The following CACNA1C variants were observed in gnomAD, a reference collection of about 807,000 sequenced individuals.
CACNA1C encodes the protein calcium voltage-gated channel subunit alpha1 C.
CACNA1C carries 30 observed loss-of-function variants against 229.0 expected under a neutral mutation model. That is an observed-to-expected ratio of 0.13 (90% CI 0.10 to 0.18). The LOEUF (loss-of-function observed/expected upper bound fraction) is 0.18. Ranked by LOEUF, CACNA1C falls within the 10% of genes least tolerant of loss-of-function variation. CACNA1C has a pLI of 1.00. For synonymous variants in CACNA1C, 1,114 were observed against 1,132.5 expected, an observed-to-expected ratio of 0.98 and a Z score of 0.33; for missense variants, 1,658 against 2,845.0, an observed-to-expected ratio of 0.58 and a Z score of 9.49.
chr12:2,590,737 G>C (rs914797348), intron 18 of CACNA1C, among the ~76,000 whole-genome samples: 1 of 152,156 alleles, frequency 6.6e-6, no homozygotes, highest in African/African-American at 2.4e-5. Context: ...TAGGAAGTTC[G>C]AATGGCACAA....
chr12:2,651,855 ACTCTGGGGC>A lies in CACNA1C; in HGVS notation c.4074+89_4074+97del. 1 of 1,073,398 alleles carries A rather than the reference ACTCTGGGGC, an allele frequency of 9.3e-7. No individual in the cohort carries two copies. The highest frequency in any genetic ancestry group is 2.5e-5 in the Admixed American group (1 of 39,908). The allele number at this position is 1,073,398 out of a possible 1,614,324, so 66.5% of individuals were successfully genotyped here. A position where few individuals can be genotyped will look rare whatever the true frequency, so the allele number is the denominator to read the frequency against. ...CAGCTGACACAAGGAGGAGCCCTCC[ACTCTGGGGC>A]CCTGCTCCTTCCTCTGTGTGGCAGA... On this transcript the variant is annotated intron_variant, in intron 32 of 46. Transcript: ENST00000399655. This position sits in a 1 kb window ranked among gnomAD's most constrained non-coding sequence, Gnocchi z 5.4.
chr12:2,073,933 A>G (rs1033493639), intron 1 of CACNA1C, among the ~76,000 whole-genome samples: 6 of 152,176 alleles, frequency 3.9e-5, no homozygotes, highest in African/African-American at 7.2e-5. Flanking sequence ...ACCCTGAACC[A>G]TTGCCTAAGC....
chr12:2,504,401 GCTT>G lies in CACNA1C; in HGVS notation c.1114-434_1114-432del. The G allele has an allele frequency of 7.9e-7, 1 of 1,268,748 alleles. No individual in the cohort carries two copies. 78.6% of individuals were successfully genotyped at this position (1,268,748 alleles called of 1,614,324 possible). A position where few individuals can be genotyped will look rare whatever the true frequency, so the allele number is the denominator to read the frequency against. ...TGCCTCTTTGCTGTAACCCAATTCT[GCTT>G]CTTCTTTCCTAACTTTCCTTCGTCT... On this transcript the variant is annotated intron_variant, in intron 7 of 46. Transcript: ENST00000399655. This position sits in a 1 kb window ranked among gnomAD's most constrained non-coding sequence, Gnocchi z 6.8.
chr12:2,537,215 G>A (rs2099857879), intron 9 of CACNA1C, among the ~76,000 whole-genome samples: 1 of 152,216 alleles, frequency 6.6e-6, no homozygotes, highest in Admixed American at 6.5e-5. Context: ...ATAGGAAAAG[G>A]CTTTATAAAT....
At chr12:2,235,198 C>G (rs756310306) in intron 3 of CACNA1C, among the ~76,000 whole-genome samples, 1 of 152,210 alleles carries the variant, frequency 6.6e-6, no homozygotes, top group Non-Finnish European at 1.5e-5. Context: ...GTCTGTGGTA[C>G]AGGGGGGCCA....
upstream of CACNA1C, among the ~76,000 whole-genome samples, chr12:2,048,017 C>G (rs768551223): frequency 2.0e-5 from 3 of 152,206 alleles, no homozygotes; most frequent in African/African-American, 4.8e-5. Context: ...GTACTTTGCC[C>G]AGGCCTCAGA....
At chr12:2,690,380 A>G (rs983100527) in intron 46 of CACNA1C, among the ~76,000 whole-genome samples, 2 of 152,186 alleles carry the variant, frequency 1.3e-5, no homozygotes, top group Admixed American at 6.5e-5. Flanking sequence ...CCCAGGCTGG[A>G]GTGTAGTGGT....
chr12:2,421,900 ACT>A (rs1057509470), intron 3 of CACNA1C, among the ~76,000 whole-genome samples: 1 of 140,102 alleles, frequency 7.1e-6, no homozygotes, highest in Non-Finnish European at 1.6e-5. Flanking sequence ...ACAGAGCAAG[ACT>A]CTGTCTCAAC....
intron 4 of CACNA1C, among the ~76,000 whole-genome samples, chr12:2,454,392 C>T (rs573117263): frequency 1.2e-4 from 18 of 152,210 alleles, no homozygotes; most frequent in South Asian, 1.0e-3. Flanking sequence ...ACCGTCTTTC[C>T]GGTCCCCTCC....
intron 9 of CACNA1C, among the ~76,000 whole-genome samples, chr12:2,536,639 G>C (rs892922951): frequency 1.3e-5 from 2 of 151,996 alleles, no homozygotes; most frequent in East Asian, 1.9e-4. Context: ...GACCAACCTG[G>C]GCAACATAGT....
At chr12:2,428,538 C>T (rs1271938877) in intron 3 of CACNA1C, among the ~76,000 whole-genome samples, 4 of 152,176 alleles carry the variant, frequency 2.6e-5, no homozygotes, top group East Asian at 1.9e-4. Context: ...CTGAGTGCCC[C>T]GTGTGTGTGG....
chr12:2,554,123 A>G (rs1470973974), intron 10 of CACNA1C, among the ~76,000 whole-genome samples: 1 of 152,236 alleles, frequency 6.6e-6, no homozygotes, highest in Non-Finnish European at 1.5e-5. Flanking sequence ...CTGAAAATAC[A>G]AATGGCTCTC....
At chr12:2,306,859 A>G (rs951291228) in intron 3 of CACNA1C, among the ~76,000 whole-genome samples, 4 of 152,202 alleles carry the variant, frequency 2.6e-5, no homozygotes, top group Non-Finnish European at 5.9e-5. Context: ...CATCTCACAT[A>G]CAAATGAGGA....
At position 2,034,194 on chromosome 12, in the gene CACNA1C, G is replaced by A. The variant is rs1391253263; in HGVS notation, c.139+62993G>A. Among the ~76,000 whole-genome samples the A allele has an allele frequency of 3.9e-5, 6 of 152,264 alleles. No individual in the cohort carries two copies. The highest frequency in any genetic ancestry group is 3.4e-3 in the Middle Eastern group (1 of 294). ...GATGAAACTGAGGCTTGAAGAGAGC[G>A]GTTCAGTGACTCGCCCAAACTCACA... On this transcript the variant is annotated intron_variant, in intron 1 of 46. Coordinates refer to the CACNA1C transcript ENST00000682462. This position sits in a 1 kb window ranked among gnomAD's most constrained non-coding sequence, Gnocchi z 4.1.
chr12:2,252,856 G>A (rs2076095090), intron 3 of CACNA1C, among the ~76,000 whole-genome samples: 1 of 151,746 alleles, frequency 6.6e-6, no homozygotes, highest in Non-Finnish European at 1.5e-5. Flanking sequence ...CTGGGTCCAT[G>A]GGTTTAACTT....
chr12:2,579,145 C>A (rs756345268), intron 13 of CACNA1C, among the ~76,000 whole-genome samples: 2 of 152,132 alleles, frequency 1.3e-5, no homozygotes, highest in Non-Finnish European at 2.9e-5. Flanking sequence ...GCTTGTCAGG[C>A]TCCCGTTGGT....
At chr12:2,462,229 AC>A (rs1407927104) in intron 5 of CACNA1C, among the ~76,000 whole-genome samples, 1 of 150,348 alleles carries the variant, frequency 6.7e-6, no homozygotes. Context: ...AGGCCTGCGC[AC>A]CTCCTTGGCC....
At chr12:2,147,290 C>T (rs553152832) in intron 3 of CACNA1C, among the ~76,000 whole-genome samples, 6 of 151,446 alleles carry the variant, frequency 4.0e-5, no homozygotes, top group African/African-American at 1.4e-4. Flanking sequence ...TTAGAAACAG[C>T]GTGCTATAGA....
rs187300117 is a variant in CACNA1C at position 2,534,673 on chromosome 12, A to G, written c.1391-15270A>G. 2.6e-5 allele frequency among the ~76,000 whole-genome samples: 4 copies of G among 152,276 alleles called. No homozygotes were observed. In the East Asian group the frequency reaches 7.7e-4, roughly 29 times the overall value. On this transcript the variant is annotated intron_variant, in intron 9 of 46. Transcript: ENST00000399655. The stretch of plus-strand genomic sequence containing the variant: ...TGAGCAAGTCCTCATCTCTCCAGAT[A>G]GCCAGGCCATTTGGGAAATGTTTCA...
Sources: allele counts gnomAD v4.1 joint callset (sites outside exome capture counted in the v4.1 genomes callset), GRCh38; gene constraint gnomAD v4.1.1; non-coding constraint Gnocchi (gnomAD v3.1); transcripts MANE v1.5; gene names NCBI Gene and HGNC (gene_info 2026-07-23, HGNC 2026-07-21).